PKP2: variants seen among roughly 807,000 people sequenced by gnomAD.
PKP2 encodes plakophilin 2.
A neutral mutation model predicts 83.4 loss-of-function variants in PKP2; 73 were observed. The observed-to-expected ratio is 0.88, with a 90% CI of 0.72 to 1.06. The LOEUF is 1.06. PKP2 is among the 50% of genes least tolerant of loss of function. PKP2 has a pLI of 0.00. For synonymous variants in PKP2, 409 were observed against 430.4 expected, an observed-to-expected ratio of 0.95 and a Z score of 0.62; for missense variants, 966 against 1,065.4, an observed-to-expected ratio of 0.91 and a Z score of 1.30.
intron 10 of PKP2, among the ~76,000 whole-genome samples, chr12:32,798,042 T>G (rs1276436585): frequency 6.6e-6 from 1 of 151,746 alleles, no homozygotes; most frequent in Non-Finnish European, 1.5e-5. Context: ...GAATAATCTT[T>G]GCTTCCCAAG....
At chr12:32,804,262 G>A (rs1039440478) in intron 9 of PKP2, among the ~76,000 whole-genome samples, 7 of 152,184 alleles carry the variant, frequency 4.6e-5, no homozygotes, top group Non-Finnish European at 8.8e-5. Context: ...TTTGCAAAAT[G>A]TTGCCTCTAG....
chr12:32,849,547 G>C (rs1172220419), intron 5 of PKP2, among the ~76,000 whole-genome samples: 2 of 152,184 alleles, frequency 1.3e-5, no homozygotes, highest in Non-Finnish European at 2.9e-5. Context: ...CTGTGTGCAG[G>C]GAACACAAGC....
chr12:32,881,983 C>G (rs571337910), intron 1 of PKP2, among the ~76,000 whole-genome samples: 320 of 152,170 alleles, frequency 2.1e-3, no homozygotes, highest in Middle Eastern at 6.8e-3. Context: ...CTGAAGAGTC[C>G]GGGGGCCAGA....
At chr12:32,868,247 TCTGTCGCCCA>T (rs904054437) in intron 4 of PKP2, among the ~76,000 whole-genome samples, 2 of 152,250 alleles carry the variant, frequency 1.3e-5, no homozygotes, top group African/African-American at 4.8e-5. Context: ...TGAGTCTCGC[TCTGTCGCCCA>T]GGCTGGAGTG....
intron 2 of PKP2, 68 bp downstream of exon 2, chr12:32,878,852 T>C: frequency 1.1e-6 from 1 of 911,556 alleles, no homozygotes; most frequent in Admixed American, 1.7e-5. Context: ...AAAAATAATC[T>C]TAGGAAGTTT....
chr12:32,835,572 G>A (rs1242697250), intron 6 of PKP2, among the ~76,000 whole-genome samples: 2 of 151,274 alleles, frequency 1.3e-5, no homozygotes, highest in Non-Finnish European at 2.9e-5. Flanking sequence ...AAAAAAGAAA[G>A]AAAAAAAAGC....
intron 4 of PKP2, among the ~76,000 whole-genome samples, chr12:32,853,394 GAAAAA>G (rs79409951): frequency 2.3e-5 from 2 of 87,902 alleles, no homozygotes; most frequent in African/African-American, 3.9e-5. Flanking sequence ...TTCCTTAAAC[GAAAAA>G]AAAAAAAAAA....
At chr12:32,800,011 C>T (rs1439291239) in intron 10 of PKP2, among the ~76,000 whole-genome samples, 1 of 152,196 alleles carries the variant, frequency 6.6e-6, no homozygotes, top group East Asian at 1.9e-4. Flanking sequence ...TGAACTTGTG[C>T]TTAAACTTTT....
chr12:32,853,212 A>G (rs1355809873), intron 4 of PKP2, among the ~76,000 whole-genome samples: 1 of 152,192 alleles, frequency 6.6e-6, no homozygotes, highest in Non-Finnish European at 1.5e-5. Flanking sequence ...CAAAATCTGA[A>G]ACTTTTTGAA....
chr12:32,828,332 C>A (rs986864073), intron 6 of PKP2, among the ~76,000 whole-genome samples: 4 of 152,106 alleles, frequency 2.6e-5, no homozygotes, highest in Non-Finnish European at 4.4e-5. Flanking sequence ...AAACACAACA[C>A]CCTGGACCTT....
intron 3 of PKP2, among the ~76,000 whole-genome samples, chr12:32,877,410 T>C (rs1327867285): frequency 6.6e-6 from 1 of 152,226 alleles, no homozygotes; most frequent in Admixed American, 6.5e-5. Context: ...GTCAGCCATC[T>C]TTCCTTAGCT....
At chr12:32,852,812 G>A (rs1312193789) in intron 4 of PKP2, among the ~76,000 whole-genome samples, 14 of 152,102 alleles carry the variant, frequency 9.2e-5, no homozygotes, top group Admixed American at 3.3e-4. Context: ...GGCCGGGCAC[G>A]GTGGCTTATG....
chr12:32,829,913 A>G (rs1165457389), intron 6 of PKP2, among the ~76,000 whole-genome samples: 5 of 152,036 alleles, frequency 3.3e-5, no homozygotes, highest in African/African-American at 1.2e-4. Flanking sequence ...CGCCTGCCTC[A>G]GCCTCCCAAA....
At chr12:32,839,411 C>T (rs191452276) in intron 6 of PKP2, among the ~76,000 whole-genome samples, 9 of 143,288 alleles carry the variant, frequency 6.3e-5, no homozygotes, top group East Asian at 4.1e-4. Flanking sequence ...GCAAGGGCTG[C>T]CTACGATTAA....
chr12:32,820,046 G>A (rs1445629363), intron 9 of PKP2: 1 of 152,158 alleles, frequency 6.6e-6, no homozygotes, highest in East Asian at 1.9e-4. Flanking sequence ...GGGCTCCCTG[G>A]TAGTTCCCAG....
chr12:32,855,632 TG>T (rs1478193330), intron 4 of PKP2, among the ~76,000 whole-genome samples: 1 of 151,564 alleles, frequency 6.6e-6, no homozygotes, highest in Non-Finnish European at 1.5e-5. Flanking sequence ...AAAAATTAGC[TG>T]GGTGTGGTGG....
At chr12:32,874,410 G>T (rs760557757) in intron 3 of PKP2, among the ~76,000 whole-genome samples, 2 of 152,040 alleles carry the variant, frequency 1.3e-5, no homozygotes, top group Non-Finnish European at 2.9e-5. Flanking sequence ...CACAAAATAC[G>T]TCTGGCTCCC....
intron 9 of PKP2, among the ~76,000 whole-genome samples, chr12:32,809,863 A>G (rs916853354): frequency 6.6e-6 from 1 of 151,936 alleles, no homozygotes; most frequent in South Asian, 2.1e-4. Flanking sequence ...CCACTGACCC[A>G]CTCTGCTTTT....
At chr12:32,849,438 C>T (rs1028303199) in intron 5 of PKP2, among the ~76,000 whole-genome samples, 3 of 152,182 alleles carry the variant, frequency 2.0e-5, no homozygotes, top group Non-Finnish European at 2.9e-5. Context: ...AGGCTGGTCT[C>T]GAACTCCTGG....
Sources: allele counts gnomAD v4.1 joint callset (sites outside exome capture counted in the v4.1 genomes callset), GRCh38; gene constraint gnomAD v4.1.1; transcripts MANE v1.5; gene names NCBI Gene and HGNC (gene_info 2026-07-23, HGNC 2026-07-21).